IGBP1C: variants seen among roughly 807,000 people sequenced by gnomAD.
IGBP1C encodes IGBP1 family member C, also known as immunoglobulin-binding protein 1 family member C.
the IGBP1C span, chr17:58,661,185 G>T: frequency 2.5e-6 from 2 of 801,696 alleles, no homozygotes; most frequent in African/African-American, 3.4e-5. Flanking sequence ...ATAGCACCGT[G>T]ATTTTCAGCT....
At chr17:58,675,872 C>T in the IGBP1C span, among the ~76,000 whole-genome samples, 5 of 152,182 alleles carry the variant, frequency 3.3e-5, no homozygotes, top group African/African-American at 9.7e-5. Context: ...ATTACAAGCA[C>T]GAGCCACTGA....
the IGBP1C span, among the ~76,000 whole-genome samples, chr17:58,666,319 G>A: frequency 3.3e-5 from 5 of 151,928 alleles, no homozygotes; most frequent in African/African-American, 1.2e-4. Context: ...CTGCACTCCA[G>A]CCTGGAAAAT....
the IGBP1C span, among the ~76,000 whole-genome samples, chr17:58,690,657 G>A: frequency 4.6e-5 from 7 of 152,144 alleles, no homozygotes; most frequent in East Asian, 1.3e-3. Context: ...TGCATCCACT[G>A]AGCGCTCAAA....
At chr17:58,669,310 C>G in the IGBP1C span, among the ~76,000 whole-genome samples, 1 of 151,526 alleles carries the variant, frequency 6.6e-6, no homozygotes, top group African/African-American at 2.4e-5. Context: ...CGAGATCATG[C>G]CACTGCACTC....
the IGBP1C span, among the ~76,000 whole-genome samples, chr17:58,684,331 G>C: frequency 4.6e-5 from 7 of 151,838 alleles, no homozygotes; most frequent in African/African-American, 1.7e-4. Context: ...GCATGGTGGT[G>C]GGTGCCTGTA....
At chr17:58,688,646 T>A in the IGBP1C span, among the ~76,000 whole-genome samples, 1 of 152,196 alleles carries the variant, frequency 6.6e-6, no homozygotes, top group African/African-American at 2.4e-5. Flanking sequence ...GTGAGGAGAC[T>A]GAGTAACTTG....
chr17:58,691,806 A>C, the IGBP1C span: 1 of 152,156 alleles, frequency 6.6e-6, no homozygotes, highest in Admixed American at 6.6e-5. Flanking sequence ...TCTGTAATTT[A>C]GAGGCGGTCA....
the IGBP1C span, chr17:58,666,647 C>T: frequency 6.6e-6 from 1 of 152,110 alleles, no homozygotes; most frequent in African/African-American, 2.4e-5. Context: ...AAGCCACACA[C>T]AGGGAAAAAC....
the IGBP1C span, among the ~76,000 whole-genome samples, chr17:58,668,652 G>T: frequency 6.6e-6 from 1 of 152,170 alleles, no homozygotes; most frequent in Non-Finnish European, 1.5e-5. Context: ...GGTAGAGAAG[G>T]AATTAAAATC....
chr17:58,689,584 A>T, the IGBP1C span, among the ~76,000 whole-genome samples: 1 of 152,186 alleles, frequency 6.6e-6, no homozygotes, highest in Non-Finnish European at 1.5e-5. Flanking sequence ...CACACTACAC[A>T]GATGTAATGT....
the IGBP1C span, chr17:58,660,951 T>C: frequency 3.6e-6 from 4 of 1,098,898 alleles, no homozygotes; most frequent in East Asian, 2.3e-5. Context: ...AGGATCTTTA[T>C]TTCCTGATCA....
chr17:58,691,533 G>T, the IGBP1C span, among the ~76,000 whole-genome samples: 1 of 151,958 alleles, frequency 6.6e-6, no homozygotes, highest in Non-Finnish European at 1.5e-5. Flanking sequence ...CGGGCATGGT[G>T]GCGTGCGCCT....
At chr17:58,679,015 G>T in the IGBP1C span, among the ~76,000 whole-genome samples, 1 of 151,794 alleles carries the variant, frequency 6.6e-6, no homozygotes, top group Non-Finnish European at 1.5e-5. Flanking sequence ...TTAGCAAGGC[G>T]TGGTGGCGTG....
At chr17:58,678,789 G>A in the IGBP1C span, among the ~76,000 whole-genome samples, 79 of 148,656 alleles carry the variant, frequency 5.3e-4, no homozygotes, top group Non-Finnish European at 9.3e-4. Context: ...AAACCTGCAC[G>A]TTGTGCACAT....
the IGBP1C span, among the ~76,000 whole-genome samples, chr17:58,681,975 A>G: frequency 8.5e-5 from 13 of 152,334 alleles, no homozygotes; most frequent in African/African-American, 2.9e-4. Context: ...TGCCAGTTTC[A>G]GAAGATTTGT....
the IGBP1C span, chr17:58,679,674 C>T: frequency 3.3e-5 from 5 of 152,092 alleles, no homozygotes; most frequent in African/African-American, 4.8e-5. Flanking sequence ...ATGTTATTTC[C>T]CTTGCCAGTT....
chr17:58,662,322 T>A, the IGBP1C span, among the ~76,000 whole-genome samples: 1 of 151,018 alleles, frequency 6.6e-6, no homozygotes, highest in South Asian at 2.1e-4. Context: ...TGGTGGCGGG[T>A]GCCTGTAATC....
At chr17:58,670,771 T>TC in the IGBP1C span, among the ~76,000 whole-genome samples, 896 of 7,936 alleles carry the variant, frequency 0.11, 328 homozygotes, top group South Asian at 0.17. Flanking sequence ...AGACTCCCTC[T>TC]TAAAAAAAAA....
chr17:58,665,671 C>T, the IGBP1C span, among the ~76,000 whole-genome samples: 1 of 151,792 alleles, frequency 6.6e-6, no homozygotes, highest in South Asian at 2.1e-4. Context: ...TAAATGATAG[C>T]AAGGTACAGC....
Sources: gnomAD v4.1 joint callset for allele counts (sites outside exome capture counted in the v4.1 genomes callset) on GRCh38, gnomAD v4.1.1 for gene constraint, MANE v1.5 for transcripts, NCBI Gene and HGNC (gene_info 2026-07-23, HGNC 2026-07-21) for gene names.